The following FGGY variants were observed in gnomAD, a reference collection of about 807,000 sequenced individuals.
The protein encoded by FGGY is FGGY carbohydrate kinase domain containing.
A neutral mutation model predicts 71.3 loss-of-function variants in FGGY; 72 were observed. That is an observed-to-expected ratio of 1.01 (90% CI 0.84 to 1.23). FGGY has a LOEUF of 1.23. FGGY is among the 50% of genes most tolerant of loss of function. FGGY has a pLI of 0.00. For synonymous variants in FGGY, 251 were observed against 250.3 expected (o/e 1.00, Z -0.02); for missense variants, 668 against 682.3 (o/e 0.98, Z 0.23).
At chr1:59,557,222 A>C (rs1009738185) in intron 8 of FGGY, among the ~76,000 whole-genome samples, 1 of 152,170 alleles carries the variant, frequency 6.6e-6, no homozygotes, top group African/African-American at 2.4e-5. Flanking sequence ...AAAATTAACC[A>C]AACAGAACAC....
At chr1:59,704,563 G>A (rs542612907) in intron 14 of FGGY, among the ~76,000 whole-genome samples, 77 of 152,144 alleles carry the variant, frequency 5.1e-4, no homozygotes, top group African/African-American at 1.8e-3. Flanking sequence ...ATGAAAAAGA[G>A]ATAACTTTTT....
chr1:59,602,428 A>T (rs2096587107), intron 8 of FGGY, among the ~76,000 whole-genome samples: 1 of 152,202 alleles, frequency 6.6e-6, no homozygotes, highest in Non-Finnish European at 1.5e-5. Flanking sequence ...TATATGATTT[A>T]TTATTATAAT....
At chr1:59,686,167 T>TAGAACCAAGAATACCCAGTTTGGTA (rs2097542464) in intron 14 of FGGY, among the ~76,000 whole-genome samples, 4 of 152,122 alleles carry the variant, frequency 2.6e-5, no homozygotes, top group Non-Finnish European at 5.9e-5. Flanking sequence ...GACTCAGTGA[T>TAGAACCAAGAATACCCAGTTTGGTA]AGAACCAAGA....
chr1:59,451,361 GT>G (rs200663528), intron 5 of FGGY, among the ~76,000 whole-genome samples: 1,751 of 133,826 alleles, frequency 0.013, 34 homozygotes, highest in African/African-American at 0.048. Context: ...CTGTTACTAA[GT>G]TTTTTTTGTT....
chr1:59,542,216 C>T (rs923304129), intron 7 of FGGY, among the ~76,000 whole-genome samples: 2 of 152,154 alleles, frequency 1.3e-5, no homozygotes, highest in East Asian at 3.9e-4. Flanking sequence ...CTGCCTCTGC[C>T]ATGTCGTTGG....
At chr1:59,518,774 A>G (rs1175707465) in intron 7 of FGGY, among the ~76,000 whole-genome samples, 4 of 152,222 alleles carry the variant, frequency 2.6e-5, no homozygotes, top group Non-Finnish European at 5.9e-5. Flanking sequence ...GAAGCCGAGC[A>G]GACACCATCA....
chr1:59,556,090 A>T (rs746725557), intron 8 of FGGY, among the ~76,000 whole-genome samples: 1 of 152,238 alleles, frequency 6.6e-6, no homozygotes, highest in African/African-American at 2.4e-5. Context: ...AGATCTGCAG[A>T]GGCCTGAGGC....
At chr1:59,371,147 G>A (rs1571159985) in intron 4 of FGGY, among the ~76,000 whole-genome samples, 1 of 152,278 alleles carries the variant, frequency 6.6e-6, no homozygotes, top group African/African-American at 2.4e-5. Context: ...TCAGTGTGTT[G>A]TATTCAGGAA....
chr1:59,676,552 A>G (rs1293522617), intron 14 of FGGY, among the ~76,000 whole-genome samples: 1 of 151,700 alleles, frequency 6.6e-6, no homozygotes, highest in Non-Finnish European at 1.5e-5. Flanking sequence ...TGGGATCTCC[A>G]GCTCCAAAGG....
chr1:59,621,480 A>AC (rs2096806677), intron 9 of FGGY, among the ~76,000 whole-genome samples: 1 of 149,980 alleles, frequency 6.7e-6, no homozygotes, highest in South Asian at 2.1e-4. Flanking sequence ...AAAAAAAAAA[A>AC]GAACTTGTCT....
chr1:59,344,851 G>A (rs2051483654), intron 3 of FGGY, among the ~76,000 whole-genome samples: 2 of 152,096 alleles, frequency 1.3e-5, no homozygotes, highest in South Asian at 4.1e-4. Context: ...TTCAATCCAC[G>A]GTTGGTTGAA....
rs1558329177 is a variant in FGGY, at chr1:59,554,186, CGGCT to C, written c.868_871del (p.Ala290SerfsTer36). 6.2e-6 allele frequency: 10 copies of C among 1,613,598 alleles called. No homozygotes were observed. The highest frequency in any genetic ancestry group is 7.6e-6 in the Non-Finnish European group (9 of 1,179,600). On this transcript the variant is annotated frameshift_variant, in exon 8 of 16. Coordinates refer to ENST00000303721, the MANE Select transcript of FGGY (RefSeq NM_018291.5). LOFTEE classifies it high-confidence loss of function. Reference sequence around the variant, plus strand: ...CTGTGAGGGGCAGCCAGTGACGTCACGGCTGGCTGTCATCTGTGGAACGTCTTCT... The same window carrying C: ...CTGTGAGGGGCAGCCAGTGACGTCACGGCTGTCATCTGTGGAACGTCTTCT...
intron 5 of FGGY, among the ~76,000 whole-genome samples, chr1:59,435,061 G>C (rs2068143867): frequency 6.6e-6 from 1 of 152,176 alleles, no homozygotes; most frequent in Non-Finnish European, 1.5e-5. Context: ...AGCAGTGATA[G>C]ACAGGAAATT....
intron 7 of FGGY, among the ~76,000 whole-genome samples, chr1:59,544,189 T>C (rs531350167): frequency 2.6e-5 from 4 of 152,254 alleles, no homozygotes; most frequent in African/African-American, 7.2e-5. Flanking sequence ...TTATGTAATA[T>C]GTTTTATGTG....
At chr1:59,718,725 C>A (rs374900984) in intron 14 of FGGY, among the ~76,000 whole-genome samples, 2 of 152,204 alleles carry the variant, frequency 1.3e-5, no homozygotes, top group East Asian at 3.8e-4. Context: ...TCCCATACCA[C>A]CCCTTCACCT....
chr1:59,350,510 G>C (rs1244776032), intron 4 of FGGY, among the ~76,000 whole-genome samples: 1 of 152,180 alleles, frequency 6.6e-6, no homozygotes, highest in Non-Finnish European at 1.5e-5. Context: ...AGAGACTGTG[G>C]TTCATCTGTG....
At chr1:59,561,985 A>G (rs972013259) in intron 8 of FGGY, among the ~76,000 whole-genome samples, 1 of 131,468 alleles carries the variant, frequency 7.6e-6, no homozygotes. Flanking sequence ...AAGATTCTCT[A>G]CTACTCCTAC....
chr1:59,712,297 T>A (rs900181115), intron 14 of FGGY, among the ~76,000 whole-genome samples: 2 of 152,204 alleles, frequency 1.3e-5, no homozygotes, highest in African/African-American at 4.8e-5. Flanking sequence ...TTTTGCACGG[T>A]ACGACCTCTC....
At position 59,445,172 on chromosome 1, in the gene FGGY, C is replaced by T. The variant is rs116474583; in HGVS notation, c.555-11789C>T. Among the ~76,000 whole-genome samples the T allele has an allele frequency of 2.9e-3, 449 of 152,232 alleles. 3 individuals carry two copies. Among genetic ancestry groups the T allele is most frequent in the African/African-American group, 0.01 (425 of 41,544 alleles). On this transcript the variant is annotated intron_variant, in intron 5 of 15. Transcript: ENST00000303721. Reference sequence around the variant, plus strand: ...AGAGGGAGGAGGGAAATAAATGGCTCTTTTGCTCCTTTTCTTCATGCCAGG... The same window carrying T: ...AGAGGGAGGAGGGAAATAAATGGCTTTTTTGCTCCTTTTCTTCATGCCAGG...
Sources: gnomAD v4.1 joint callset for allele counts (sites outside exome capture counted in the v4.1 genomes callset) on GRCh38, gnomAD v4.1.1 for gene constraint, MANE v1.5 for transcripts, NCBI Gene and HGNC (gene_info 2026-07-23, HGNC 2026-07-21) for gene names.